DRC11: variants seen among roughly 807,000 people sequenced by gnomAD.
DRC11 encodes the protein dynein regulatory complex subunit 11.
the DRC11 span, among the ~76,000 whole-genome samples, chr2:236,313,092 A>C: frequency 6.6e-6 from 1 of 152,162 alleles, no homozygotes; most frequent in Admixed American, 6.5e-5. The surrounding 1 kb of genome is among the most constrained non-coding windows in gnomAD (Gnocchi z 4.5). Flanking sequence ...TAAACCTTTA[A>C]GAGAATATAA....
At chr2:236,387,718 GT>G in the DRC11 span, among the ~76,000 whole-genome samples, 1 of 151,226 alleles carries the variant, frequency 6.6e-6, no homozygotes. Flanking sequence ...ACGTTAGCTG[GT>G]TATTTTGCTC....
the DRC11 span, among the ~76,000 whole-genome samples, chr2:236,484,233 T>G: frequency 1.3e-5 from 2 of 152,194 alleles, no homozygotes; most frequent in Non-Finnish European, 2.9e-5. Context: ...GTACACAGAA[T>G]TGGCAAAATG....
chr2:236,333,000 TTGG>T, the DRC11 span: 2 of 152,172 alleles, frequency 1.3e-5, no homozygotes, highest in East Asian at 3.9e-4. The surrounding 1 kb of genome is among the most constrained non-coding windows in gnomAD (Gnocchi z 5.1). Context: ...TGCTCCTGCC[TTGG>T]TGGGTTTCTT....
At chr2:236,503,889 C>G in the DRC11 span, among the ~76,000 whole-genome samples, 1 of 152,086 alleles carries the variant, frequency 6.6e-6, no homozygotes, top group East Asian at 1.9e-4. This position sits in a 1 kb window ranked among gnomAD's most constrained non-coding sequence, Gnocchi z 4.9. Context: ...TCTGCTTGAG[C>G]CCAGCCATGA....
chr2:236,431,719 T>A, the DRC11 span, among the ~76,000 whole-genome samples: 1 of 152,236 alleles, frequency 6.6e-6, no homozygotes, highest in African/African-American at 2.4e-5. This position sits in a 1 kb window ranked among gnomAD's most constrained non-coding sequence, Gnocchi z 4.2. Flanking sequence ...CAGTATGGCA[T>A]AACACTTTAA....
At chr2:236,416,745 A>ATATATT in the DRC11 span, among the ~76,000 whole-genome samples, 29 of 59,626 alleles carry the variant, frequency 4.9e-4, no homozygotes, top group Non-Finnish European at 9.4e-4. Flanking sequence ...ATATATATAT[A>ATATATT]TATATATATA....
At chr2:236,342,745 C>T in the DRC11 span, among the ~76,000 whole-genome samples, 1 of 152,194 alleles carries the variant, frequency 6.6e-6, no homozygotes, top group Non-Finnish European at 1.5e-5. This position sits in a 1 kb window ranked among gnomAD's most constrained non-coding sequence, Gnocchi z 5.8. Flanking sequence ...TGGAGGATGG[C>T]ATTCATGCCT....
chr2:236,464,845 A>C, the DRC11 span, among the ~76,000 whole-genome samples: 1 of 151,162 alleles, frequency 6.6e-6, no homozygotes, highest in East Asian at 1.9e-4. Flanking sequence ...CCAACCCCGC[A>C]CTCTCTCTTT....
chr2:236,425,558 T>C, the DRC11 span, among the ~76,000 whole-genome samples: 2 of 152,084 alleles, frequency 1.3e-5, no homozygotes, highest in Non-Finnish European at 2.9e-5. Flanking sequence ...ATCAGATGTA[T>C]GGTTTGCAAA....
At chr2:236,465,666 C>T in the DRC11 span, 306,152 of 1,611,796 alleles carry the variant, frequency 0.19, 32,694 homozygotes, top group Non-Finnish European at 0.22. This position sits in a 1 kb window ranked among gnomAD's most constrained non-coding sequence, Gnocchi z 6.2. Context: ...CCTTTTCAGC[C>T]TGGATTACTG....
the DRC11 span, among the ~76,000 whole-genome samples, chr2:236,397,273 GCTCTCTGGCTC>G: frequency 5.3e-5 from 8 of 152,216 alleles, no homozygotes; most frequent in Non-Finnish European, 1.0e-4. This position sits in a 1 kb window ranked among gnomAD's most constrained non-coding sequence, Gnocchi z 5.0. Flanking sequence ...GCAGGCTTCT[GCTCTCTGGCTC>G]CTTTCTTCCT....
At chr2:236,331,674 G>T in the DRC11 span, 2 of 1,078,182 alleles carry the variant, frequency 1.9e-6, no homozygotes, top group Non-Finnish European at 2.8e-6. The surrounding 1 kb of genome is among the most constrained non-coding windows in gnomAD (Gnocchi z 4.8). Context: ...TCGGTTGAAA[G>T]TTGCATCTCA....
At chr2:236,366,093 C>T in the DRC11 span, among the ~76,000 whole-genome samples, 77 of 152,280 alleles carry the variant, frequency 5.1e-4, no homozygotes, top group African/African-American at 1.8e-3. Context: ...AAACAGTGGA[C>T]ACGGTTTCTG....
At chr2:236,407,500 G>C in the DRC11 span, among the ~76,000 whole-genome samples, 1 of 152,002 alleles carries the variant, frequency 6.6e-6, no homozygotes, top group African/African-American at 2.4e-5. Context: ...GACTTCTCAG[G>C]CTCCATAACC....
At chr2:236,315,003 A>C in the DRC11 span, among the ~76,000 whole-genome samples, 1 of 152,186 alleles carries the variant, frequency 6.6e-6, no homozygotes, top group South Asian at 2.1e-4. This position sits in a 1 kb window ranked among gnomAD's most constrained non-coding sequence, Gnocchi z 5.1. Flanking sequence ...TTGGAGAAAA[A>C]CAAGGTGGGA....
the DRC11 span, among the ~76,000 whole-genome samples, chr2:236,393,349 G>A: frequency 6.6e-6 from 1 of 152,150 alleles, no homozygotes. This position sits in a 1 kb window ranked among gnomAD's most constrained non-coding sequence, Gnocchi z 4.7. Flanking sequence ...GACAGCAGAG[G>A]CTGCAGGCCT....
At chr2:236,383,138 G>C in the DRC11 span, among the ~76,000 whole-genome samples, 7 of 152,138 alleles carry the variant, frequency 4.6e-5, no homozygotes, top group Admixed American at 2.0e-4. Context: ...ATTTGTTATT[G>C]GTGTGTTGAA....
At chr2:236,422,341 T>C in the DRC11 span, among the ~76,000 whole-genome samples, 1 of 152,198 alleles carries the variant, frequency 6.6e-6, no homozygotes, top group Non-Finnish European at 1.5e-5. Flanking sequence ...CTTAAGCTGA[T>C]AGGCAACTTC....
the DRC11 span, among the ~76,000 whole-genome samples, chr2:236,475,804 C>T: frequency 6.6e-6 from 1 of 152,156 alleles, no homozygotes. The surrounding 1 kb of genome is among the most constrained non-coding windows in gnomAD (Gnocchi z 4.8). Flanking sequence ...TCCAGTTTTT[C>T]TAGCATCATT....
Sources: gnomAD v4.1 joint callset for allele counts (sites outside exome capture counted in the v4.1 genomes callset) on GRCh38, gnomAD v4.1.1 for gene constraint, Gnocchi (gnomAD v3.1) non-coding constraint, MANE v1.5 for transcripts, NCBI Gene and HGNC (gene_info 2026-07-23, HGNC 2026-07-21) for gene names.